The following DNM3 variants were observed in gnomAD, a reference collection of about 807,000 sequenced individuals.
DNM3 encodes the protein dynamin-3.
Under a neutral mutation model 101.6 loss-of-function variants are expected in DNM3, and 47 were observed. The observed-to-expected ratio is 0.46, with a 90% CI of 0.37 to 0.59. DNM3 has a LOEUF of 0.59. DNM3 is among the 20% of genes least tolerant of loss of function. The probability of loss-of-function intolerance (pLI) is 0.00; values close to 1 mark genes in which losing one functional copy is unlikely to be tolerated. For missense variants in DNM3, 849 were observed against 1,085.7 expected (o/e 0.78, Z 3.06); for synonymous variants, 385 against 387.9 (o/e 0.99, Z 0.09).
At chr1:171,927,246 C>T (rs2040645080) in intron 2 of DNM3, among the ~76,000 whole-genome samples, 1 of 152,080 alleles carries the variant, frequency 6.6e-6, no homozygotes, top group Non-Finnish European at 1.5e-5. Flanking sequence ...ATTTTTTAAA[C>T]TTTTATTTTA....
chr1:172,090,659 A>G (rs574256358), intron 12 of DNM3, among the ~76,000 whole-genome samples: 59 of 152,214 alleles, frequency 3.9e-4, no homozygotes, highest in Non-Finnish European at 6.6e-4. Context: ...CAAATACAGT[A>G]TGGCCTTTCA....
At chr1:171,931,320 T>C (rs187983462) in intron 2 of DNM3, among the ~76,000 whole-genome samples, 1 of 152,200 alleles carries the variant, frequency 6.6e-6, no homozygotes, top group East Asian at 1.9e-4. Context: ...ATTTTTATAA[T>C]GTTATAAAAT....
At chr1:172,142,523 T>C (rs2057639919) in intron 14 of DNM3, among the ~76,000 whole-genome samples, 1 of 152,108 alleles carries the variant, frequency 6.6e-6, no homozygotes, top group African/African-American at 2.4e-5. Context: ...TTTTACAAAG[T>C]AATTCTTATA....
At chr1:172,008,000 C>T (rs558052059) in intron 4 of DNM3, among the ~76,000 whole-genome samples, 1 of 152,006 alleles carries the variant, frequency 6.6e-6, no homozygotes, top group Non-Finnish European at 1.5e-5. Context: ...ATTTGTACGT[C>T]TTCTTTTGAG....
At chr1:172,081,247 C>G (rs1032697759) in intron 11 of DNM3, among the ~76,000 whole-genome samples, 1 of 152,142 alleles carries the variant, frequency 6.6e-6, no homozygotes, top group Non-Finnish European at 1.5e-5. Context: ...TAGGCACACA[C>G]CACCATGCCC....
At chr1:172,277,441 G>T (rs2063332169) in intron 15 of DNM3, among the ~76,000 whole-genome samples, 1 of 151,996 alleles carries the variant, frequency 6.6e-6, no homozygotes, top group Admixed American at 6.6e-5. Context: ...CCAAACTGTA[G>T]TCATAGATTC....
intron 14 of DNM3, among the ~76,000 whole-genome samples, chr1:172,177,359 A>G (rs1307150585): frequency 6.6e-6 from 1 of 151,840 alleles, no homozygotes; most frequent in Non-Finnish European, 1.5e-5. Context: ...AATCTCTTAC[A>G]GTGCCTAATT....
In DNM3 at chr1:172,045,081, T is replaced by C. The variant is rs557157352; in HGVS notation, c.1196+629T>C. ...GGCAAAGAGGTGAGCGGGCACAGTA[T>C]ATATCCATGGAGCCAAGAGTCATGC... is the stretch of plus-strand genomic sequence containing the variant. On this transcript the variant is annotated intron_variant, in intron 9 of 20. Coordinates refer to ENST00000627582, the MANE Select transcript of DNM3 (RefSeq NM_015569.5). Among the ~76,000 whole-genome samples the C allele has an allele frequency of 3.9e-5, 6 of 151,956 alleles. No individual in the cohort carries two copies. In the South Asian group the frequency reaches 1.2e-3, roughly 32 times the overall value.
At chr1:172,403,115 C>T (rs956124942) in intron 20 of DNM3, among the ~76,000 whole-genome samples, 16 of 152,224 alleles carry the variant, frequency 1.1e-4, no homozygotes, top group African/African-American at 3.9e-4. Flanking sequence ...AATCTAACTG[C>T]CCAATAGAAA....
Position 171,921,920 on chromosome 1 carries a change from C to A in DNM3, c.235+99C>A, listed in dbSNP as rs529811534. 1.2e-4 allele frequency: 121 copies of A among 1,043,604 alleles called. 1 individual carries two copies. The Admixed American group carries it at 2.5e-3, about 22-fold the overall frequency. 64.6% of individuals were successfully genotyped at this position (1,043,604 alleles called of 1,614,324 possible). A position where few individuals can be genotyped will look rare whatever the true frequency, so the allele number is the denominator to read the frequency against. On this transcript the variant is annotated intron_variant, in intron 2 of 20. Transcript: ENST00000627582. ...GTACAAATAGAAACGTTTTTGTGATCGCCCCACTGTGGGCAGCTGCCCACA... is the reference window on the plus strand; with the variant it reads ...GTACAAATAGAAACGTTTTTGTGATAGCCCCACTGTGGGCAGCTGCCCACA...
chr1:172,388,643 G>T lies in DNM3; in HGVS notation c.2356G>T (p.Gly786Cys). Reference protein sequence around the residue: ...LSAPLARPTSGRGPAPAIPSP... With the variant: ...LSAPLARPTSCRGPAPAIPSP... Reference sequence around the variant, plus strand: ...TGCTCCCCTCGCAAGGCCCACATCCGGCCGAGGACCAGCTCCTGCCATTCC... The same window carrying T: ...TGCTCCCCTCGCAAGGCCCACATCCTGCCGAGGACCAGCTCCTGCCATTCC... The change falls in exon 20 of 21, where the codon GGC becomes TGC. Residue 786 changes from glycine (G) to cysteine (C), a missense_variant. Gly to Cys is a radical substitution (Grantham distance 159). Transcript: ENST00000627582. 2.5e-6 allele frequency: 4 copies of T among 1,613,936 alleles called. No homozygotes were observed. In the South Asian group the frequency reaches 4.4e-5, roughly 18 times the overall value.
chr1:172,082,703 AT>A (rs2053249228), intron 12 of DNM3, among the ~76,000 whole-genome samples: 1 of 152,250 alleles, frequency 6.6e-6, no homozygotes, highest in African/African-American at 2.4e-5. Flanking sequence ...AAATAAAAAA[AT>A]GACAGAATGT....
In DNM3 at chr1:172,410,466, A is replaced by C; in HGVS notation, c.*2625A>C. 1 of 984,540 alleles carries C rather than the reference A, an allele frequency of 1.0e-6. No homozygotes were observed. The highest frequency in any genetic ancestry group is 1.2e-6 in the Non-Finnish European group (1 of 829,120). 61.0% of individuals were successfully genotyped at this position (984,540 alleles called of 1,614,324 possible). ...AATCAGTGTTTTTAGGATTTGGGAA[A>C]ATAAACTGTAAATGTTTATTTGATA... On this transcript the variant is annotated 3_prime_UTR_variant, in exon 21 of 21. Transcript: ENST00000627582.
intron 4 of DNM3, among the ~76,000 whole-genome samples, chr1:172,020,011 G>A (rs2047725027): frequency 6.6e-6 from 1 of 151,712 alleles, no homozygotes. Context: ...CAAACTGTGG[G>A]GTTTTTTTCT....
At chr1:172,326,830 A>G (rs189753695) in intron 17 of DNM3, among the ~76,000 whole-genome samples, 1 of 152,254 alleles carries the variant, frequency 6.6e-6, no homozygotes, top group African/African-American at 2.4e-5. Flanking sequence ...AGATTCAGAA[A>G]TCAATGCTTC....
intron 4 of DNM3, among the ~76,000 whole-genome samples, chr1:171,998,339 G>A (rs1384466557): frequency 6.6e-6 from 1 of 152,064 alleles, no homozygotes; most frequent in East Asian, 1.9e-4. Flanking sequence ...AAAACAATTG[G>A]TTTAGGAGTT....
chr1:172,067,130 G>T (rs1461146539), intron 10 of DNM3, among the ~76,000 whole-genome samples: 5 of 152,074 alleles, frequency 3.3e-5, no homozygotes, highest in African/African-American at 7.2e-5. Flanking sequence ...ATAGCAATTT[G>T]CCAATATAAT....
At chr1:172,343,764 G>A (rs1309529236) in intron 17 of DNM3, among the ~76,000 whole-genome samples, 1 of 152,152 alleles carries the variant, frequency 6.6e-6, no homozygotes, top group Non-Finnish European at 1.5e-5. Context: ...AGTTCTTACT[G>A]TTTGGGGATT....
intron 14 of DNM3, among the ~76,000 whole-genome samples, chr1:172,146,242 G>A (rs1342397067): frequency 6.6e-6 from 1 of 152,152 alleles, no homozygotes; most frequent in African/African-American, 2.4e-5. Flanking sequence ...AAAGCTTCAA[G>A]TGAGTACTGT....
Sources: gnomAD v4.1 joint callset for allele counts (sites outside exome capture counted in the v4.1 genomes callset) on GRCh38, gnomAD v4.1.1 for gene constraint, MANE v1.5 for transcripts, NCBI Gene and HGNC (gene_info 2026-07-23, HGNC 2026-07-21) for gene names.